Variants in STK39 observed in about 807,000 individuals in gnomAD.
STK39 encodes serine/threonine kinase 39.
In STK39, 20 loss-of-function variants were observed where a neutral mutation model predicts 77.8. The ratio of observed to expected loss-of-function variants is 0.26; its 90% confidence interval spans 0.18 to 0.37. The LOEUF is 0.37. Ranked by LOEUF, STK39 falls within the 10% of genes least tolerant of loss-of-function variation. The pLI is 1.00. For missense variants in STK39, 479 were observed against 656.5 expected (o/e 0.73, Z 2.95); for synonymous variants, 246 against 234.1 (o/e 1.05, Z -0.47).
chr2:167,988,601 T>G (rs929617384), intron 16 of STK39, among the ~76,000 whole-genome samples: 8 of 151,342 alleles, frequency 5.3e-5, no homozygotes, highest in African/African-American at 1.9e-4. Flanking sequence ...TATCCTGCTT[T>G]AAGAAAAAAA....
intron 1 of STK39, among the ~76,000 whole-genome samples, chr2:168,229,376 C>A (rs1432511294): frequency 7.1e-6 from 1 of 140,656 alleles, no homozygotes; most frequent in Non-Finnish European, 1.6e-5. Flanking sequence ...CAGAGCAAGA[C>A]TCTGACTCAA....
intron 8 of STK39, among the ~76,000 whole-genome samples, chr2:168,133,378 G>C: frequency 6.6e-6 from 1 of 152,254 alleles, no homozygotes; most frequent in South Asian, 2.1e-4. Flanking sequence ...TAAACAACCC[G>C]CCTTCTTTTT....
intron 5 of STK39, among the ~76,000 whole-genome samples, chr2:168,150,376 CT>C (rs1373642575): frequency 6.6e-6 from 1 of 152,190 alleles, no homozygotes; most frequent in East Asian, 1.9e-4. Context: ...CGATTCTCAA[CT>C]ATGTCTCATA....
intron 5 of STK39, among the ~76,000 whole-genome samples, chr2:168,153,757 C>T (rs1051635876): frequency 1.3e-5 from 2 of 151,962 alleles, no homozygotes; most frequent in South Asian, 2.1e-4. Context: ...GCAAAGATCC[C>T]GGGGCAGCAG....
intron 16 of STK39, among the ~76,000 whole-genome samples, chr2:167,969,585 A>T (rs1029437743): frequency 6.6e-6 from 1 of 152,212 alleles, no homozygotes; most frequent in Non-Finnish European, 1.5e-5. Context: ...ACTAGATTCA[A>T]ACTCTGAAAA....
chr2:168,153,566 A>G (rs1688345637), intron 5 of STK39, among the ~76,000 whole-genome samples: 2 of 151,260 alleles, frequency 1.3e-5, no homozygotes, highest in African/African-American at 2.4e-5. Flanking sequence ...ACCTTGAGAG[A>G]GCCACTGATA....
At chr2:168,134,698 G>T (rs912670088) in intron 8 of STK39, among the ~76,000 whole-genome samples, 1 of 152,030 alleles carries the variant, frequency 6.6e-6, no homozygotes, top group Non-Finnish European at 1.5e-5. Flanking sequence ...CAACACCCCA[G>T]CTCCCTTTTA....
At chr2:167,979,225 T>C (rs1574361665) in intron 16 of STK39, among the ~76,000 whole-genome samples, 1 of 152,208 alleles carries the variant, frequency 6.6e-6, no homozygotes, top group South Asian at 2.1e-4. Flanking sequence ...ATGATAGAAG[T>C]ATTTTTAATT....
At chr2:167,969,684 G>A (rs894520550) in intron 16 of STK39, among the ~76,000 whole-genome samples, 5 of 152,156 alleles carry the variant, frequency 3.3e-5, no homozygotes, top group East Asian at 1.9e-4. Context: ...CACCACCTCC[G>A]CTGCTGCTCC....
At chr2:168,239,568 T>A (rs940511840) in intron 1 of STK39, among the ~76,000 whole-genome samples, 2 of 152,164 alleles carry the variant, frequency 1.3e-5, no homozygotes, top group African/African-American at 4.8e-5. Context: ...ATAAACCCCA[T>A]CATTAACCAC....
chr2:168,132,218 A>G (rs1687715723), intron 8 of STK39, among the ~76,000 whole-genome samples: 1 of 152,176 alleles, frequency 6.6e-6, no homozygotes, highest in African/African-American at 2.4e-5. Context: ...TTTAATGTGA[A>G]AAGAACCCTA....
intron 16 of STK39, among the ~76,000 whole-genome samples, chr2:168,002,666 C>G (rs529111311): frequency 6.6e-6 from 1 of 152,296 alleles, no homozygotes; most frequent in South Asian, 2.1e-4. Context: ...GTGCTTTTAT[C>G]AGATTTAAAA....
At chr2:168,192,030 C>A (rs758192899) in intron 1 of STK39, among the ~76,000 whole-genome samples, 1 of 152,076 alleles carries the variant, frequency 6.6e-6, no homozygotes, top group Non-Finnish European at 1.5e-5. Context: ...GATGGCATCT[C>A]AGGGGGTGGC....
chr2:168,147,183 TA>T (rs879295164), intron 5 of STK39, among the ~76,000 whole-genome samples: 4 of 152,244 alleles, frequency 2.6e-5, no homozygotes, highest in Non-Finnish European at 5.9e-5. Context: ...TGGTTAATCC[TA>T]AATGTCATAT....
intron 16 of STK39, among the ~76,000 whole-genome samples, chr2:167,983,478 AAGGAAGG>A (rs1683481957): frequency 4.6e-4 from 1 of 2,152 alleles, no homozygotes; most frequent in Non-Finnish European, 1.0e-3. Flanking sequence ...AAAGAAATGA[AAGGAAGG>A]AAGGAAGGAA....
intron 2 of STK39, among the ~76,000 whole-genome samples, chr2:168,174,444 A>G (rs1037098456): frequency 8.5e-5 from 13 of 152,198 alleles, no homozygotes; most frequent in Non-Finnish European, 1.5e-4. Context: ...ATTTTTTTCA[A>G]ATGAAACAAG....
At chr2:168,076,766 A>T (rs528058656) in intron 10 of STK39, among the ~76,000 whole-genome samples, 1 of 152,318 alleles carries the variant, frequency 6.6e-6, no homozygotes, top group East Asian at 1.9e-4. Flanking sequence ...AGTACTTAGT[A>T]AAACCTCTTT....
chr2:168,133,992 A>C (rs576850949), intron 8 of STK39, among the ~76,000 whole-genome samples: 1 of 152,294 alleles, frequency 6.6e-6, no homozygotes, highest in Non-Finnish European at 1.5e-5. Context: ...ATGCCATAGC[A>C]ACTGCCAATG....
intron 8 of STK39, among the ~76,000 whole-genome samples, chr2:168,132,176 G>A (rs1687714497): frequency 6.6e-6 from 1 of 152,022 alleles, no homozygotes; most frequent in Non-Finnish European, 1.5e-5. Flanking sequence ...TAAAAACTAA[G>A]AAGCATAGAA....
Sources: allele counts gnomAD v4.1 joint callset (sites outside exome capture counted in the v4.1 genomes callset), GRCh38; gene constraint gnomAD v4.1.1; transcripts MANE v1.5; gene names NCBI Gene and HGNC (gene_info 2026-07-23, HGNC 2026-07-21).